Variants in NTRK2 observed in about 807,000 individuals in gnomAD.
The protein encoded by NTRK2 is neurotrophic receptor tyrosine kinase 2.
Under a neutral mutation model 94.5 loss-of-function variants are expected in NTRK2, and 13 were observed. That is an observed-to-expected ratio of 0.14 (90% CI 0.09 to 0.22). The LOEUF (loss-of-function observed/expected upper bound fraction) is 0.22. Among genes scored for constraint, NTRK2 ranks in the 10% least tolerant of loss-of-function variants. The pLI, the probability that NTRK2 is intolerant of heterozygous loss-of-function variation, is 1.00. For synonymous variants in NTRK2, 372 were observed against 407.4 expected, an observed-to-expected ratio of 0.91 and a Z score of 1.05; for missense variants, 639 against 1,071.2, an observed-to-expected ratio of 0.60 and a Z score of 5.63.
chr9:84,796,875 T>C (rs2069391030), intron 12 of NTRK2, among the ~76,000 whole-genome samples: 2 of 152,210 alleles, frequency 1.3e-5, no homozygotes, highest in African/African-American at 4.8e-5. Context: ...ATTATTTTTT[T>C]CTTTTGGGTA....
At chr9:84,783,489 A>G (rs1362158866) in intron 12 of NTRK2, among the ~76,000 whole-genome samples, 1 of 152,176 alleles carries the variant, frequency 6.6e-6, no homozygotes, top group African/African-American at 2.4e-5. Flanking sequence ...ATGTGTCTGT[A>G]TCAGGCATTG....
chr9:84,720,789 C>T (rs1267270165), intron 6 of NTRK2, among the ~76,000 whole-genome samples: 2 of 151,702 alleles, frequency 1.3e-5, no homozygotes, highest in African/African-American at 4.8e-5. Flanking sequence ...GAAGAGGGTG[C>T]TATAAAAAAA....
intron 12 of NTRK2, among the ~76,000 whole-genome samples, chr9:84,849,586 G>A (rs780769724): frequency 1.3e-5 from 2 of 152,290 alleles, no homozygotes; most frequent in East Asian, 1.9e-4. Context: ...ACCAGGCACT[G>A]TACTCAATGC....
intron 17 of NTRK2, among the ~76,000 whole-genome samples, chr9:84,969,061 CTT>C (rs1436600674): frequency 6.6e-6 from 1 of 152,202 alleles, no homozygotes; most frequent in Non-Finnish European, 1.5e-5. Flanking sequence ...TGCAGCCACA[CTT>C]CATGCATTGT....
intron 6 of NTRK2, among the ~76,000 whole-genome samples, chr9:84,719,344 T>C (rs1330820526): frequency 6.6e-6 from 1 of 152,218 alleles, no homozygotes; most frequent in Non-Finnish European, 1.5e-5. Context: ...GAATATCTGG[T>C]TCAGTGAATG....
chr9:84,696,728 A>C (rs1588013699), intron 2 of NTRK2, among the ~76,000 whole-genome samples: 1 of 152,356 alleles, frequency 6.6e-6, no homozygotes, highest in South Asian at 2.1e-4. Flanking sequence ...CTGCATGCCA[A>C]CCGATGGAAT....
At chr9:84,814,656 C>T in intron 12 of NTRK2, 1 of 1,065,406 alleles carries the variant, frequency 9.4e-7, no homozygotes, top group Non-Finnish European at 1.1e-6. Flanking sequence ...GAACTTCTCT[C>T]TTGGTTTGAA....
At chr9:84,994,222 A>G (rs932807721) in intron 17 of NTRK2, among the ~76,000 whole-genome samples, 1 of 152,100 alleles carries the variant, frequency 6.6e-6, no homozygotes, top group Non-Finnish European at 1.5e-5. Flanking sequence ...TACATGTGTA[A>G]TTTTAGAGCT....
chr9:84,771,154 A>C (rs961285557), intron 12 of NTRK2, among the ~76,000 whole-genome samples: 2 of 152,222 alleles, frequency 1.3e-5, no homozygotes, highest in African/African-American at 4.8e-5. Context: ...TGTTTGACAG[A>C]ATCTGGGTGG....
chr9:85,006,567 A>G (rs1830985455), intron 17 of NTRK2, among the ~76,000 whole-genome samples: 1 of 152,156 alleles, frequency 6.6e-6, no homozygotes, highest in Non-Finnish European at 1.5e-5. Context: ...TGAAGGTGGG[A>G]TGGCCAACAG....
chr9:84,885,277 A>G (rs1398632278), intron 14 of NTRK2, among the ~76,000 whole-genome samples: 1 of 152,218 alleles, frequency 6.6e-6, no homozygotes, highest in East Asian at 1.9e-4. Flanking sequence ...GATCCCTTGA[A>G]AATGAGATTC....
chr9:84,917,466 T>C (rs1266190354), intron 14 of NTRK2, among the ~76,000 whole-genome samples: 1 of 152,130 alleles, frequency 6.6e-6, no homozygotes, highest in Admixed American at 6.6e-5. Flanking sequence ...AGCATTGTAA[T>C]GTTCAGTTGT....
chr9:84,957,973 G>A (rs547960435), intron 17 of NTRK2, among the ~76,000 whole-genome samples: 3 of 152,322 alleles, frequency 2.0e-5, no homozygotes, highest in Admixed American at 2.0e-4. Flanking sequence ...AGTGTGCTAA[G>A]TGAAAGAAGT....
At chr9:84,998,321 T>G (rs900546343) in intron 17 of NTRK2, among the ~76,000 whole-genome samples, 2 of 152,164 alleles carry the variant, frequency 1.3e-5, no homozygotes, top group African/African-American at 4.8e-5. Context: ...CAACCTGGAC[T>G]GGAGATGGTT....
In NTRK2 at chr9:85,025,698, C is replaced by T. The variant is rs1360239918; in HGVS notation, c.*4261C>T. 2.1e-5 allele frequency: 5 copies of T among 233,080 alleles called. 1 individual carries two copies. The highest frequency in any genetic ancestry group is 4.2e-5 in the Non-Finnish European group (5 of 118,006). The allele number at this position is 233,080 out of a possible 1,614,324, so 14.4% of individuals were successfully genotyped here. A position where few individuals can be genotyped will look rare whatever the true frequency, so the allele number is the denominator to read the frequency against. ...GCTTCCCCATTTTCTTTTTCATCCCCTGTCTCAGGACTTTTATTTTCAATG... is the reference window on the plus strand; with the variant it reads ...GCTTCCCCATTTTCTTTTTCATCCCTTGTCTCAGGACTTTTATTTTCAATG... On this transcript the variant is annotated 3_prime_UTR_variant, in exon 19 of 19. Coordinates refer to ENST00000277120, the MANE Select transcript of NTRK2 (RefSeq NM_006180.6).
At chr9:84,729,994 A>C (rs1312053372) in intron 9 of NTRK2, among the ~76,000 whole-genome samples, 1 of 152,220 alleles carries the variant, frequency 6.6e-6, no homozygotes, top group Non-Finnish European at 1.5e-5. Context: ...ATGGGGAAGA[A>C]TTGTTTTCTG....
chr9:84,789,108 A>G (rs1254143915), intron 12 of NTRK2, among the ~76,000 whole-genome samples: 2 of 152,220 alleles, frequency 1.3e-5, no homozygotes, highest in African/African-American at 4.8e-5. Context: ...ACCAAGTTGA[A>G]GAACAGCTAG....
In NTRK2 at chr9:84,811,595, T is replaced by C. The variant is rs201643456; in HGVS notation, c.1397-49445T>C. 4 of 1,065,502 alleles carry C rather than the reference T, an allele frequency of 3.8e-6. No homozygotes were observed. In the East Asian group the frequency reaches 2.0e-4, roughly 53 times the overall value. The allele number at this position is 1,065,502 out of a possible 1,614,324, so 66.0% of individuals were successfully genotyped here. On this transcript the variant is annotated intron_variant, in intron 12 of 18. Coordinates refer to ENST00000277120, the MANE Select transcript of NTRK2 (RefSeq NM_006180.6). Reference sequence around the variant, plus strand: ...TGGGAGCAGAATGGCTGGCCTGCTGTGAGCAGGAGAGGAGATTCTAAGAAG... The same window carrying C: ...TGGGAGCAGAATGGCTGGCCTGCTGCGAGCAGGAGAGGAGATTCTAAGAAG...
At chr9:84,875,163 C>T (rs1325149653) in intron 14 of NTRK2, 1 of 1,059,148 alleles carries the variant, frequency 9.4e-7, no homozygotes, top group Non-Finnish European at 1.1e-6. Flanking sequence ...CCATATGTGT[C>T]CTTGCATTTG....
Sources: allele counts gnomAD v4.1 joint callset (sites outside exome capture counted in the v4.1 genomes callset), GRCh38; gene constraint gnomAD v4.1.1; transcripts MANE v1.5; gene names NCBI Gene and HGNC (gene_info 2026-07-23, HGNC 2026-07-21).